SMYD3: variants seen among roughly 807,000 people sequenced by gnomAD.
SMYD3 encodes histone-lysine N-methyltransferase SMYD3.
In SMYD3, 36 loss-of-function variants were observed where a neutral mutation model predicts 57.7. The observed-to-expected ratio is 0.62, with a 90% CI of 0.48 to 0.82. The LOEUF (loss-of-function observed/expected upper bound fraction) is 0.82, where lower values mean the gene tolerates loss of function less well. Among genes scored for constraint, SMYD3 ranks in the 40% least tolerant of loss-of-function variants. The pLI is 0.00. For missense variants in SMYD3, 515 were observed against 538.8 expected (o/e 0.96, Z 0.44); for synonymous variants, 211 against 195.0 (o/e 1.08, Z -0.68).
Position 246,128,719 on chromosome 1 carries a change from C to G in SMYD3, c.531+198482G>C, listed in dbSNP as rs527456753. Among the ~76,000 whole-genome samples, 11 of 152,278 alleles carry G rather than the reference C, an allele frequency of 7.2e-5. No homozygotes were observed. The East Asian group carries it at 1.7e-3, about 24-fold the overall frequency. On this transcript the variant is annotated intron_variant, in intron 5 of 11. Transcript: ENST00000490107. ...AGAAACTCAGTAGAGCTCAGATACT[C>G]TTTTTCTCCCTTTAGGGGGTGAAAG...
intron 1 of SMYD3, among the ~76,000 whole-genome samples, chr1:246,447,539 G>A (rs1365894310): frequency 2.0e-5 from 3 of 152,124 alleles, no homozygotes; most frequent in Non-Finnish European, 2.9e-5. Flanking sequence ...CAGAGGCCAC[G>A]CACCTGAAGT....
chr1:246,156,104 C>G (rs2062020347), intron 5 of SMYD3, among the ~76,000 whole-genome samples: 1 of 151,416 alleles, frequency 6.6e-6, no homozygotes, highest in African/African-American at 2.4e-5. Context: ...GACTTTGGCT[C>G]TTAACCTTTG....
rs370525455 is a variant in SMYD3 at position 245,920,140 on chromosome 1, C to A, written c.703-4500G>T. 3.9e-5 allele frequency among the ~76,000 whole-genome samples: 6 copies of A among 152,006 alleles called. No homozygotes were observed. The East Asian group carries it at 7.8e-4, about 20-fold the overall frequency. On this transcript the variant is annotated intron_variant, in intron 7 of 11. Transcript: ENST00000490107. The stretch of plus-strand genomic sequence containing the variant: ...CATCCTGGCTAACACGGTGAAACCC[C>A]GTCTCTACTAAAAATACAAAAAATT...
chr1:246,149,699 A>G (rs1178142186), intron 5 of SMYD3, among the ~76,000 whole-genome samples: 7 of 152,232 alleles, frequency 4.6e-5, no homozygotes, highest in Non-Finnish European at 1.0e-4. Flanking sequence ...TATTCTGGGT[A>G]GGAACTTTTC....
intron 10 of SMYD3, among the ~76,000 whole-genome samples, chr1:245,775,683 C>G (rs531028865): frequency 1.0e-4 from 15 of 149,530 alleles, no homozygotes; most frequent in African/African-American, 3.2e-4. Context: ...ATCCCCCTCT[C>G]CGAGAAACAC....
intron 5 of SMYD3, among the ~76,000 whole-genome samples, chr1:246,300,243 A>C (rs1054117526): frequency 6.6e-5 from 10 of 152,138 alleles, no homozygotes; most frequent in African/African-American, 9.7e-5. Context: ...TAATGCACAT[A>C]GTTTTTTTAT....
intron 1 of SMYD3, among the ~76,000 whole-genome samples, chr1:246,416,214 G>C (rs936270647): frequency 6.6e-6 from 1 of 152,102 alleles, no homozygotes; most frequent in Non-Finnish European, 1.5e-5. Context: ...CATCATATGA[G>C]ACAGCAGTTC....
At chr1:245,877,882 G>C (rs2052572133) in intron 8 of SMYD3, among the ~76,000 whole-genome samples, 1 of 152,188 alleles carries the variant, frequency 6.6e-6, no homozygotes. Context: ...GTGTCGACTT[G>C]GAAGTCAACG....
chr1:245,806,020 C>T (rs2048128353), intron 10 of SMYD3, among the ~76,000 whole-genome samples: 1 of 152,180 alleles, frequency 6.6e-6, no homozygotes, highest in Non-Finnish European at 1.5e-5. Flanking sequence ...TTCCTTTCAA[C>T]CCTGTGGCCA....
At chr1:246,055,335 C>T (rs2060133634) in intron 5 of SMYD3, among the ~76,000 whole-genome samples, 1 of 152,166 alleles carries the variant, frequency 6.6e-6, no homozygotes, top group Non-Finnish European at 1.5e-5. Flanking sequence ...GATACATCTG[C>T]AGCCCCAGGT....
chr1:245,893,596 A>G (rs1304243038), intron 8 of SMYD3, among the ~76,000 whole-genome samples: 2 of 152,230 alleles, frequency 1.3e-5, no homozygotes, highest in Non-Finnish European at 2.9e-5. Flanking sequence ...AAAGAAGCCA[A>G]ATGAAATGGC....
In SMYD3 at chr1:245,977,046, TCC is replaced by T. The variant is rs1491293967; in HGVS notation, c.532-47111_532-47110del. ...CTCTAGCCCAGGGAAAGCCATCGTC[TCC>T]GGCCCAGGGAAAGCCATCGTCTCTA... On this transcript the variant is annotated intron_variant, in intron 5 of 11. Transcript: ENST00000490107. 9.7e-5 allele frequency among the ~76,000 whole-genome samples: 11 copies of T among 112,858 alleles called. 2 individuals are homozygous for T. The highest frequency in any genetic ancestry group is 2.8e-4 in the African/African-American group (8 of 29,016). The allele number at this position is 112,858 out of a possible 152,430, so 74.0% of individuals were successfully genotyped here. A position where few individuals can be genotyped will look rare whatever the true frequency, so the allele number is the denominator to read the frequency against.
intron 2 of SMYD3, among the ~76,000 whole-genome samples, chr1:246,352,412 G>A (rs2065845829): frequency 6.6e-6 from 1 of 152,168 alleles, no homozygotes; most frequent in Admixed American, 6.5e-5. Context: ...GTTCATCACT[G>A]TTCACAGTTC....
At position 245,953,468 on chromosome 1, in the gene SMYD3, T is replaced by G. The variant is rs764691322; in HGVS notation, c.532-23531A>C. ...CAGAGTCTCGCTCTGTCACCCAGGC[T>G]GGAGTGCAGTGGTGTGATCTCGGCT... On this transcript the variant is annotated intron_variant, in intron 5 of 11. Coordinates refer to ENST00000490107, the MANE Select transcript of SMYD3 (RefSeq NM_001167740.2). 1.3e-5 allele frequency: 6 copies of G among 477,064 alleles called. 1 individual carries two copies. Among genetic ancestry groups the G allele is most frequent in the Admixed American group, 6.4e-5 (1 of 15,642 alleles). 29.6% of individuals were successfully genotyped at this position (477,064 alleles called of 1,614,324 possible).
intron 1 of SMYD3, among the ~76,000 whole-genome samples, chr1:246,400,249 C>T (rs934795893): frequency 6.6e-6 from 1 of 152,228 alleles, no homozygotes; most frequent in Non-Finnish European, 1.5e-5. Context: ...AAGCACAGAA[C>T]AGAAACAGTG....
In SMYD3 at chr1:245,962,858, T is replaced by C. The variant is rs2058045552; in HGVS notation, c.532-32921A>G. Among the ~76,000 whole-genome samples, 2 of 152,112 alleles carry C rather than the reference T, an allele frequency of 1.3e-5. 1 individual carries two copies. The highest frequency in any genetic ancestry group is 1.3e-4 in the Admixed American group (2 of 15,282). On this transcript the variant is annotated intron_variant, in intron 5 of 11. Transcript: ENST00000490107. ...CAAAAAAGAAAAACCAAGTTTCAGATCTTGCCAGAAATTGGGGTTTCACTT... is the reference window on the plus strand; with the variant it reads ...CAAAAAAGAAAAACCAAGTTTCAGACCTTGCCAGAAATTGGGGTTTCACTT...
chr1:246,262,272 A>G (rs1489239512), intron 5 of SMYD3, among the ~76,000 whole-genome samples: 2 of 152,218 alleles, frequency 1.3e-5, no homozygotes, highest in Non-Finnish European at 2.9e-5. Context: ...TAGAAGAACA[A>G]GGCAACTGAA....
intron 5 of SMYD3, chr1:245,953,404 T>A: frequency 1.1e-6 from 1 of 939,188 alleles, no homozygotes; most frequent in Non-Finnish European, 1.3e-6. Flanking sequence ...TAAACTGGCT[T>A]AAAAGTAGGG....
chr1:246,254,587 G>T (rs10924633), intron 5 of SMYD3, among the ~76,000 whole-genome samples: 31,588 of 152,012 alleles, frequency 0.21, 3,991 homozygotes, highest in East Asian at 0.58. Context: ...CTGGCTTTGG[G>T]CTTTTTGCTT....
Sources: gnomAD v4.1 joint callset for allele counts (sites outside exome capture counted in the v4.1 genomes callset) on GRCh38, gnomAD v4.1.1 for gene constraint, MANE v1.5 for transcripts, NCBI Gene and HGNC (gene_info 2026-07-23, HGNC 2026-07-21) for gene names.